The following PEX13 variants were observed in gnomAD, a reference collection of about 807,000 sequenced individuals.
The protein encoded by PEX13 is peroxisomal biogenesis factor 13, also known as peroxisome biogenesis factor 13.
In PEX13, 28 loss-of-function variants were observed where a neutral mutation model predicts 34.5. That is an observed-to-expected ratio of 0.81 (90% CI 0.60 to 1.11). The LOEUF (loss-of-function observed/expected upper bound fraction) is 1.11, where lower values mean the gene tolerates loss of function less well. PEX13 is among the 50% of genes most tolerant of loss of function. The pLI, the probability that PEX13 is intolerant of heterozygous loss-of-function variation, is 0.00. For missense variants in PEX13, 550 were observed against 491.0 expected, an observed-to-expected ratio of 1.12 and a Z score of -1.13; for synonymous variants, 177 against 175.1, an observed-to-expected ratio of 1.01 and a Z score of -0.09.
At chr2:61,040,851 A>G (rs916410671) in intron 2 of PEX13, among the ~76,000 whole-genome samples, 3 of 148,176 alleles carry the variant, frequency 2.0e-5, no homozygotes, top group Non-Finnish European at 4.5e-5. Context: ...AAAAAAGTAT[A>G]TATATGTGTA....
At chr2:61,027,868 G>A (rs1210812487) in intron 1 of PEX13, among the ~76,000 whole-genome samples, 1 of 152,000 alleles carries the variant, frequency 6.6e-6, no homozygotes, top group Non-Finnish European at 1.5e-5. Context: ...CTCCTTTTAA[G>A]TTTTGTTCCA....
At chr2:61,022,952 T>C (rs375304493) in intron 1 of PEX13, among the ~76,000 whole-genome samples, 35 of 152,282 alleles carry the variant, frequency 2.3e-4, no homozygotes, top group South Asian at 8.3e-4. Flanking sequence ...TTCTTTGTAC[T>C]ATTCTGGTTT....
At chr2:61,028,387 C>G (rs1033140196) in intron 1 of PEX13, among the ~76,000 whole-genome samples, 1 of 146,622 alleles carries the variant, frequency 6.8e-6, no homozygotes, top group Non-Finnish European at 1.5e-5. Context: ...ACATTTCTTT[C>G]TTTTCTTTTT....
intron 2 of PEX13, among the ~76,000 whole-genome samples, chr2:61,041,237 G>A (rs899163566): frequency 8.4e-4 from 128 of 152,298 alleles, no homozygotes; most frequent in African/African-American, 2.9e-3. Flanking sequence ...GCTGAGATGG[G>A]AGGGTGGTTT....
intron 2 of PEX13, among the ~76,000 whole-genome samples, chr2:61,038,718 C>G (rs1680574075): frequency 6.6e-6 from 1 of 152,220 alleles, no homozygotes; most frequent in South Asian, 2.1e-4. Context: ...CCCTCTGTCA[C>G]CACTCCTATT....
chr2:61,038,807 A>T (rs1680575278), intron 2 of PEX13, among the ~76,000 whole-genome samples: 1 of 152,156 alleles, frequency 6.6e-6, no homozygotes, highest in African/African-American at 2.4e-5. Flanking sequence ...GAAAAGAGGA[A>T]CTCAAATTGT....
intron 1 of PEX13, among the ~76,000 whole-genome samples, chr2:61,027,055 G>T (rs757647610): frequency 9.2e-5 from 14 of 151,970 alleles, no homozygotes; most frequent in Non-Finnish European, 1.6e-4. Context: ...GGGCATGGTG[G>T]CTCACACCTG....
rs762898168 is a variant in PEX13 at position 61,017,784 on chromosome 2, C to G, written c.25C>G (p.Pro9Ala). 1.9e-6 allele frequency: 3 copies of G among 1,550,300 alleles called. No individual in the cohort carries two copies. The highest frequency in any genetic ancestry group is 2.4e-5 in the East Asian group (1 of 41,058). ...GATGGCGTCCCAGCCGCCACCTCCCCCCAAACCCTGGGAGACCCGCCGAAT... is the reference window on the plus strand; with the variant it reads ...GATGGCGTCCCAGCCGCCACCTCCCGCCAAACCCTGGGAGACCCGCCGAAT... MASQPPPP[P>A]KPWETRRIPG... is the part of the protein sequence containing the mutation. Residue 9 changes from proline to alanine, a missense_variant, in exon 1 of 4, where the codon CCC (proline) becomes GCC (alanine). Pro to Ala is a conservative substitution (Grantham distance 27). Transcript: ENST00000295030.
At chr2:61,034,548 C>A (rs6741617) in intron 2 of PEX13, among the ~76,000 whole-genome samples, 9,916 of 152,204 alleles carry the variant, frequency 0.065, 1,102 homozygotes, top group African/African-American at 0.23. Flanking sequence ...ATTTCCCTTT[C>A]CTAGCCAAGG....
chr2:61,030,121 A>G (rs1348021457), intron 1 of PEX13, among the ~76,000 whole-genome samples: 1 of 152,218 alleles, frequency 6.6e-6, no homozygotes, highest in Non-Finnish European at 1.5e-5. Context: ...TAAAATGGAT[A>G]AACCCTGGAA....
At chr2:61,036,583 T>G (rs947005082) in intron 2 of PEX13, among the ~76,000 whole-genome samples, 1 of 152,038 alleles carries the variant, frequency 6.6e-6, no homozygotes, top group Non-Finnish European at 1.5e-5. Flanking sequence ...GCTGAGAGAT[T>G]TTTTCACCAC....
intron 2 of PEX13, among the ~76,000 whole-genome samples, chr2:61,033,074 T>C (rs1244762541): frequency 3.3e-5 from 5 of 152,208 alleles, no homozygotes; most frequent in Non-Finnish European, 5.9e-5. Context: ...GTGACATACA[T>C]GTAAACGAAA....
At chr2:61,029,116 A>G (rs1024801106) in intron 1 of PEX13, among the ~76,000 whole-genome samples, 1 of 141,288 alleles carries the variant, frequency 7.1e-6, no homozygotes, top group Admixed American at 7.5e-5. Context: ...TCCAACCTCA[A>G]TGACAGAGGG....
At chr2:61,021,728 C>G (rs1252360262) in intron 1 of PEX13, among the ~76,000 whole-genome samples, 1 of 152,226 alleles carries the variant, frequency 6.6e-6, no homozygotes, top group East Asian at 1.9e-4. Flanking sequence ...AAGTGGGTCC[C>G]TGACCCCCGT....
In PEX13 at chr2:61,031,892, G is replaced by A. The variant is rs777179456; in HGVS notation, c.566G>A (p.Arg189Gln). 1.8e-5 allele frequency: 29 copies of A among 1,613,454 alleles called. No homozygotes were observed. The highest frequency in any genetic ancestry group is 8.8e-5 in the South Asian group (8 of 91,054). The change falls in exon 2 of 4, where the codon CGG becomes CAG. Residue 189 changes from arginine (R) to glutamine (Q), a missense_variant. Transcript: ENST00000295030. ...FSAFALVRTI[R>Q]YLYRRLQRML... The stretch of plus-strand genomic sequence containing the variant: ...GCTTTTGCATTGGTTAGGACTATAC[G>A]GTATCTTTACAGACGGCTACAGCGG...
At chr2:61,033,616 T>C (rs1559036979) in intron 2 of PEX13, among the ~76,000 whole-genome samples, 1 of 152,034 alleles carries the variant, frequency 6.6e-6, no homozygotes, top group East Asian at 1.9e-4. Flanking sequence ...GTAAGTGCTA[T>C]AGGGGAAAAA....
intron 1 of PEX13, among the ~76,000 whole-genome samples, chr2:61,025,538 T>C (rs1331362093): frequency 6.6e-6 from 1 of 152,074 alleles, no homozygotes; most frequent in Non-Finnish European, 1.5e-5. Context: ...TTTGTATTTT[T>C]AGTAGAGACA....
chr2:61,044,572 A>G (rs1417717189), intron 2 of PEX13, among the ~76,000 whole-genome samples: 1 of 152,002 alleles, frequency 6.6e-6, no homozygotes, highest in East Asian at 1.9e-4. Flanking sequence ...TTTTAGTAGT[A>G]ATGGAGTTTC....
At chr2:61,032,856 A>G (rs1680475021) in intron 2 of PEX13, among the ~76,000 whole-genome samples, 1 of 152,224 alleles carries the variant, frequency 6.6e-6, no homozygotes, top group South Asian at 2.1e-4. Flanking sequence ...CTGATAGACC[A>G]GCTTGAACAA....
Sources: allele counts gnomAD v4.1 joint callset (sites outside exome capture counted in the v4.1 genomes callset), GRCh38; gene constraint gnomAD v4.1.1; transcripts MANE v1.5; gene names NCBI Gene and HGNC (gene_info 2026-07-23, HGNC 2026-07-21).